Variants in TBC1D1 observed in about 807,000 individuals in gnomAD.
The protein encoded by TBC1D1 is TBC1 (tre-2/USP6, BUB2, cdc16) domain family, member 1.
In TBC1D1, 89 loss-of-function variants were observed where a neutral mutation model predicts 125.6. The observed-to-expected ratio is 0.71, with a 90% CI of 0.60 to 0.85. The LOEUF (loss-of-function observed/expected upper bound fraction) is 0.85, where lower values mean the gene tolerates loss of function less well. TBC1D1 is among the 40% of genes least tolerant of loss of function. The pLI, the probability that TBC1D1 is intolerant of heterozygous loss-of-function variation, is 0.00. For synonymous variants in TBC1D1, 565 were observed against 564.1 expected (o/e 1.00, Z -0.02); for missense variants, 1,377 against 1,469.2 (o/e 0.94, Z 1.03).
At chr4:38,023,903 C>T (rs1744572543) in intron 6 of TBC1D1, among the ~76,000 whole-genome samples, 1 of 152,202 alleles carries the variant, frequency 6.6e-6, no homozygotes. Context: ...TATGGTACCA[C>T]AGTGGCCACA....
At chr4:38,102,886 A>C (rs1462244384) in intron 14 of TBC1D1, 113 bp from the exon 17 acceptor site, 42 of 1,330,786 alleles carry the variant, frequency 3.2e-5, no homozygotes, top group Non-Finnish European at 3.7e-5. Context: ...GTCTCAAAAA[A>C]AAAAAAAAAG....
chr4:38,118,291 G>A, intron 17 of TBC1D1, 99 bp downstream of exon 19: 1 of 1,386,180 alleles, frequency 7.2e-7, no homozygotes. Flanking sequence ...TATACCTGTA[G>A]CTCTTACCAG....
intron 12 of TBC1D1, among the ~76,000 whole-genome samples, chr4:38,069,860 T>TAAAA: frequency 6.6e-6 from 1 of 151,724 alleles, no homozygotes; most frequent in Non-Finnish European, 1.5e-5. Flanking sequence ...TTTTTTCTGT[T>TAAAA]TTTTGTTTTG....
intron 17 of TBC1D1, among the ~76,000 whole-genome samples, chr4:38,119,172 G>A (rs115063038): frequency 0.014 from 2,187 of 152,204 alleles, 40 homozygotes; most frequent in Admixed American, 0.049. Flanking sequence ...TGATTAGAGA[G>A]CATCTTAAGG....
intron 12 of TBC1D1, among the ~76,000 whole-genome samples, chr4:38,078,808 C>T (rs1329640415): frequency 6.6e-6 from 1 of 152,222 alleles, no homozygotes; most frequent in Non-Finnish European, 1.5e-5. Context: ...GAGCTCCATT[C>T]TCCACTCCCT....
chr4:38,070,621 A>G (rs1362651402), intron 12 of TBC1D1, among the ~76,000 whole-genome samples: 1 of 152,228 alleles, frequency 6.6e-6, no homozygotes, highest in African/African-American at 2.4e-5. Flanking sequence ...AATATTTACC[A>G]AATGTGGGCA....
At chr4:38,105,435 T>G (rs1354843783) in intron 15 of TBC1D1, among the ~76,000 whole-genome samples, 5 of 152,176 alleles carry the variant, frequency 3.3e-5, no homozygotes, top group Non-Finnish European at 5.9e-5. Context: ...AAGCTGCACT[T>G]TTTTTTCAAC....
At chr4:37,998,172 C>G (rs542458142) in intron 2 of TBC1D1, among the ~76,000 whole-genome samples, 2 of 152,306 alleles carry the variant, frequency 1.3e-5, no homozygotes, top group East Asian at 3.9e-4. Flanking sequence ...TCACTTCTCT[C>G]TCCTCAGTTG....
chr4:38,092,790 G>T (rs79362586), intron 13 of TBC1D1, among the ~76,000 whole-genome samples: 1 of 151,746 alleles, frequency 6.6e-6, no homozygotes, highest in Non-Finnish European at 1.5e-5. Flanking sequence ...CCACTTCAGG[G>T]TCTCAGGGGG....
intron 2 of TBC1D1, among the ~76,000 whole-genome samples, chr4:38,003,490 T>C (rs572292697): frequency 2.6e-5 from 4 of 152,302 alleles, no homozygotes; most frequent in African/African-American, 9.6e-5. Flanking sequence ...CCTGCTGATA[T>C]TGTAGAAATT....
Position 37,898,268 on chromosome 4 carries a change from C to A in TBC1D1, c.-93-3735C>A, listed in dbSNP as rs926769374. On this transcript the variant is annotated intron_variant, in intron 1 of 19. Coordinates refer to ENST00000261439, the MANE Select transcript of TBC1D1 (RefSeq NM_015173.4). ...AAATATGGTGATTGGGTAGAAAGTG[C>A]AGAAAAGCCTGCTGATACATGCCCT... Among the ~76,000 whole-genome samples, 32 of 152,160 alleles carry A rather than the reference C, an allele frequency of 2.1e-4. 1 individual carries two copies. The highest frequency in any genetic ancestry group is 5.9e-5 in the Non-Finnish European group (4 of 68,024).
At chr4:38,048,547 T>C (rs1749900378) in intron 10 of TBC1D1, among the ~76,000 whole-genome samples, 1 of 151,688 alleles carries the variant, frequency 6.6e-6, no homozygotes, top group Non-Finnish European at 1.5e-5. Context: ...ATTTCTTTTT[T>C]TTTTTTTTTC....
In TBC1D1 at chr4:38,014,576, C is replaced by G. The variant is rs759106581; in HGVS notation, c.485C>G (p.Pro162Arg). ...GCCCGGCAGGAGGAGCTGCACTGCCCGTCCGAGTTCGACGACACGTTTTCC... is the reference window on the plus strand; with the variant it reads ...GCCCGGCAGGAGGAGCTGCACTGCCGGTCCGAGTTCGACGACACGTTTTCC... The change falls in exon 3 of 20, where the codon CCG (proline) becomes CGG (arginine). Residue 162 changes from proline (P) to arginine (R), a missense_variant. Pro to Arg is a moderately radical substitution (Grantham distance 103). This residue lies in a region of TBC1D1 where 822 missense variants were observed against 824.6 expected (regional missense o/e 1.00). Coordinates refer to ENST00000261439, the MANE Select transcript of TBC1D1 (RefSeq NM_015173.4). The surrounding 1 kb of genome is among the most constrained non-coding windows in gnomAD (Gnocchi z 5.1). 6.2e-7 allele frequency: 1 copy of G among 1,613,408 alleles called. No homozygotes were observed. The highest frequency in any genetic ancestry group is 8.5e-7 in the Non-Finnish European group (1 of 1,180,052).
At chr4:37,965,673 T>TA (rs1170697151) in intron 2 of TBC1D1, among the ~76,000 whole-genome samples, 8 of 152,174 alleles carry the variant, frequency 5.3e-5, no homozygotes, top group South Asian at 2.1e-4. Flanking sequence ...GGTGAGCAGA[T>TA]ATGTTTAGTT....
At chr4:37,990,955 C>T (rs911235463) in intron 2 of TBC1D1, among the ~76,000 whole-genome samples, 2 of 151,550 alleles carry the variant, frequency 1.3e-5, no homozygotes, top group Non-Finnish European at 2.9e-5. Flanking sequence ...CTGGCCGCTT[C>T]AAGCTCAGTG....
intron 2 of TBC1D1, chr4:37,952,069 G>C (rs148175813): frequency 4.2e-6 from 3 of 717,428 alleles, no homozygotes; most frequent in African/African-American, 3.5e-5. Flanking sequence ...AGAAAGCCCT[G>C]CCTGGAAAGC....
At chr4:38,131,681 G>A (rs574029325) in intron 18 of TBC1D1, among the ~76,000 whole-genome samples, 33 of 152,270 alleles carry the variant, frequency 2.2e-4, no homozygotes, top group African/African-American at 7.0e-4. Flanking sequence ...CAGTGGAGCC[G>A]CAATTTTAAG....
chr4:38,047,851 C>T (rs1749785192), intron 10 of TBC1D1, among the ~76,000 whole-genome samples: 1 of 152,174 alleles, frequency 6.6e-6, no homozygotes, highest in Admixed American at 6.5e-5. Context: ...AGAAGGCATT[C>T]TAGACAGACC....
At chr4:38,054,413 T>C (rs1474068252) in intron 12 of TBC1D1, 75 bp downstream of exon 14, 1 of 1,592,822 alleles carries the variant, frequency 6.3e-7, no homozygotes, top group Non-Finnish European at 8.6e-7. Context: ...ATCATATTGG[T>C]AAGAAAGCAG....
Sources: allele counts gnomAD v4.1 joint callset (sites outside exome capture counted in the v4.1 genomes callset), GRCh38; gene constraint gnomAD v4.1.1; regional missense constraint gnomAD v4.1.1; non-coding constraint Gnocchi (gnomAD v3.1); transcripts MANE v1.5; gene names NCBI Gene and HGNC (gene_info 2026-07-23, HGNC 2026-07-21).